SLC37A1: variants seen among roughly 807,000 people sequenced by gnomAD.
The protein encoded by SLC37A1 is glucose-6-phosphate exchanger SLC37A1.
A neutral mutation model predicts 75.3 loss-of-function variants in SLC37A1; 49 were observed. That is an observed-to-expected ratio of 0.65 (90% confidence interval 0.52 to 0.83). The LOEUF is 0.83. Among genes scored for constraint, SLC37A1 ranks in the 40% least tolerant of loss-of-function variants. The pLI is 0.00. For synonymous variants in SLC37A1, 268 were observed against 292.1 expected (o/e 0.92, Z 0.84); for missense variants, 566 against 695.0 (o/e 0.81, Z 2.09).
At chr21:42,560,237 A>G (rs117428310) in intron 11 of SLC37A1, 9,911 of 152,568 alleles carry the variant, frequency 0.065, 462 homozygotes, top group Middle Eastern at 0.11. Flanking sequence ...GTGTGGAGAC[A>G]CTGTGTTCTT....
chr21:42,572,790 G>A (rs1429919166), intron 17 of SLC37A1, among the ~76,000 whole-genome samples: 1 of 109,564 alleles, frequency 9.1e-6, no homozygotes, highest in Non-Finnish European at 2.3e-5. Context: ...TGAGCTCTGG[G>A]AATGTTCTTC....
At chr21:42,566,560 C>T (rs1045629723) in intron 15 of SLC37A1, among the ~76,000 whole-genome samples, 4 of 151,826 alleles carry the variant, frequency 2.6e-5, no homozygotes, top group Non-Finnish European at 4.4e-5. Context: ...GGAGAGGAAG[C>T]GGAATTTCCT....
At chr21:42,508,483 T>C (rs1263048903) in intron 2 of SLC37A1, 1 of 152,316 alleles carries the variant, frequency 6.6e-6, no homozygotes, top group South Asian at 2.1e-4. Context: ...GCTTATCTCA[T>C]GTATTTGCAC....
At chr21:42,560,082 G>A (rs908194959) in intron 11 of SLC37A1, among the ~76,000 whole-genome samples, 11 of 152,182 alleles carry the variant, frequency 7.2e-5, no homozygotes, top group East Asian at 3.9e-4. Flanking sequence ...CTAGAAGGGC[G>A]TGATCAGCGG....
chr21:42,528,725 A>C (rs2054864234), intron 3 of SLC37A1, among the ~76,000 whole-genome samples: 1 of 152,242 alleles, frequency 6.6e-6, no homozygotes, highest in Non-Finnish European at 1.5e-5. Flanking sequence ...GCTACTGGGG[A>C]GGCTGAGGCA....
Position 42,562,074 on chromosome 21 carries a change from T to TC in SLC37A1, c.982-3dup. 6.2e-7 allele frequency: 1 copy of TC among 1,613,954 alleles called. No individual in the cohort carries two copies. Among genetic ancestry groups the TC allele is most frequent in the Non-Finnish European group, 8.5e-7 (1 of 1,179,786 alleles). ...AGGAGACGCCTGACTGCTCTCTCTT[T>TC]CAGGGCGTGATAGAGTTCTCACTGT... On this transcript the variant is annotated splice_polypyrimidine_tract_variant and splice_region_variant and intron_variant, in intron 11 of 19. Coordinates refer to ENST00000352133, the MANE Select transcript of SLC37A1 (RefSeq NM_001320537.2).
intron 10 of SLC37A1, among the ~76,000 whole-genome samples, chr21:42,556,541 G>A (rs1221143190): frequency 1.3e-5 from 2 of 152,212 alleles, no homozygotes; most frequent in Non-Finnish European, 2.9e-5. Context: ...TTTTTGTTGT[G>A]TGTGGGGGCA....
chr21:42,535,990 C>T (rs1445031140), intron 5 of SLC37A1, among the ~76,000 whole-genome samples: 1 of 152,228 alleles, frequency 6.6e-6, no homozygotes, highest in African/African-American at 2.4e-5. Context: ...ACAGTTGACA[C>T]AGGATGTGCT....
chr21:42,513,499 C>A (rs1369465484), upstream of SLC37A1, among the ~76,000 whole-genome samples: 2 of 151,542 alleles, frequency 1.3e-5, no homozygotes, highest in African/African-American at 4.8e-5. Flanking sequence ...ATGTGACCCT[C>A]GCCGCCTGTG....
intron 10 of SLC37A1, among the ~76,000 whole-genome samples, chr21:42,554,967 T>TTGG (rs2055647656): frequency 6.8e-6 from 1 of 147,472 alleles, no homozygotes; most frequent in Non-Finnish European, 1.5e-5. Context: ...TTTTTGTTTG[T>TTGG]TTGGTTGGTT....
In SLC37A1 at chr21:42,561,256, ACT is replaced by A. The variant is rs2055820845; in HGVS notation, c.982-819_982-818del. 2.0e-5 allele frequency among the ~76,000 whole-genome samples: 3 copies of A among 152,238 alleles called. No individual in the cohort carries two copies. In the South Asian group the frequency reaches 6.2e-4, roughly 32 times the overall value. On this transcript the variant is annotated intron_variant, in intron 11 of 19. Coordinates refer to ENST00000352133, the MANE Select transcript of SLC37A1 (RefSeq NM_001320537.2). The stretch of plus-strand genomic sequence containing the variant: ...GTGCCACAATGTTACTGGATTTCTC[ACT>A]CTGAATTTTCAGATGGCATCTGGAA...
intron 11 of SLC37A1, chr21:42,561,862 G>A: frequency 2.0e-6 from 1 of 509,744 alleles, no homozygotes; most frequent in East Asian, 3.1e-5. Flanking sequence ...CCCCTCCCTG[G>A]TGCCCCTGCT....
At chr21:42,568,989 ATG>A (rs2056054295) in intron 17 of SLC37A1, among the ~76,000 whole-genome samples, 1 of 152,160 alleles carries the variant, frequency 6.6e-6, no homozygotes, top group Non-Finnish European at 1.5e-5. Flanking sequence ...GAGCCCTTGT[ATG>A]GGGAGCACGC....
intron 18 of SLC37A1, among the ~76,000 whole-genome samples, chr21:42,579,340 T>G (rs1208393455): frequency 6.6e-6 from 1 of 152,234 alleles, no homozygotes; most frequent in Non-Finnish European, 1.5e-5. Flanking sequence ...GTCCACCCAC[T>G]GGGCCACCCG....
chr21:42,576,588 A>G (rs2056315140), intron 18 of SLC37A1, among the ~76,000 whole-genome samples: 2 of 152,238 alleles, frequency 1.3e-5, no homozygotes, highest in South Asian at 2.1e-4. Flanking sequence ...AACTGCAGAT[A>G]AAAGAGTTAT....
chr21:42,508,606 C>G (rs111404329), intron 2 of SLC37A1: 1 of 152,182 alleles, frequency 6.6e-6, no homozygotes, highest in South Asian at 2.1e-4. Context: ...AACAGATGGG[C>G]TCAGGCAACA....
intron 17 of SLC37A1, among the ~76,000 whole-genome samples, chr21:42,572,859 CAG>C (rs1235533025): frequency 6.6e-6 from 1 of 152,052 alleles, no homozygotes; most frequent in East Asian, 1.9e-4. Flanking sequence ...TCCCCAGACA[CAG>C]GGCAGACCTA....
intron 17 of SLC37A1, among the ~76,000 whole-genome samples, chr21:42,570,066 C>CATT (rs1569040633): frequency 1.4e-5 from 2 of 142,832 alleles, no homozygotes; most frequent in Admixed American, 6.9e-5. Flanking sequence ...GCAGGGTGGC[C>CATT]GTTGCCATGT....
intron 11 of SLC37A1, chr21:42,560,436 C>T (rs2055802737): frequency 6.6e-6 from 1 of 152,580 alleles, no homozygotes; most frequent in South Asian, 2.1e-4. Flanking sequence ...ACAGCTCTCG[C>T]TTGTTGACAC....
Sources: gnomAD v4.1 joint callset for allele counts (sites outside exome capture counted in the v4.1 genomes callset) on GRCh38, gnomAD v4.1.1 for gene constraint, MANE v1.5 for transcripts, NCBI Gene and HGNC (gene_info 2026-07-23, HGNC 2026-07-21) for gene names.